Variants in HS6ST2 observed in about 807,000 individuals in gnomAD.
HS6ST2 encodes the protein heparan sulfate 6-O-sulfotransferase 2.
HS6ST2 carries 17 observed loss-of-function variants against 33.0 expected under a neutral mutation model. That is an observed-to-expected ratio of 0.52 (90% CI 0.35 to 0.77). The LOEUF (loss-of-function observed/expected upper bound fraction) is 0.77, where lower values mean the gene tolerates loss of function less well. HS6ST2 is among the 30% of genes least tolerant of loss of function. The pLI is 0.01. For synonymous variants in HS6ST2, 248 were observed against 237.1 expected, an observed-to-expected ratio of 1.05 and a Z score of -0.42; for missense variants, 519 against 551.7, an observed-to-expected ratio of 0.94 and a Z score of 0.59.
chrX:132,643,906 T>G (rs1244730986), intron 4 of HS6ST2, among the ~76,000 whole-genome samples: 3 of 111,848 alleles, frequency 2.7e-5, no homozygotes, highest in South Asian at 3.7e-4. Context: ...TGTGAGGACA[T>G]GTCAATGAGA....
chrX:132,849,907 T>C (rs1335043906), intron 2 of HS6ST2, among the ~76,000 whole-genome samples: 2 of 112,330 alleles, frequency 1.8e-5, no homozygotes, highest in African/African-American at 6.5e-5. Context: ...AGTTGAACCC[T>C]TTTATTTTGC....
At chrX:132,923,285 A>T (rs1380381001) in intron 2 of HS6ST2, among the ~76,000 whole-genome samples, 1 of 111,036 alleles carries the variant, frequency 9.0e-6, no homozygotes, top group African/African-American at 3.3e-5. Flanking sequence ...AATGCCAGAG[A>T]GGTAATCATG....
At chrX:132,730,755 C>T (rs890539664) in intron 2 of HS6ST2, among the ~76,000 whole-genome samples, 4 of 112,257 alleles carry the variant, frequency 3.6e-5, no homozygotes, top group Non-Finnish European at 7.5e-5. Flanking sequence ...ATCCCTGTGC[C>T]ACCAGAATAC....
At chrX:132,832,739 G>A (rs2065602556) in intron 2 of HS6ST2, among the ~76,000 whole-genome samples, 1 of 111,767 alleles carries the variant, frequency 8.9e-6, no homozygotes, top group African/African-American at 3.2e-5. Flanking sequence ...TACACTGTTA[G>A]CCTTCTGGAA....
chrX:132,958,684 G>C, upstream of HS6ST2: 2 of 923,067 alleles, frequency 2.2e-6, no homozygotes, highest in Non-Finnish European at 2.9e-6. Context: ...CTAAGAGCTC[G>C]AGCCACTTCA....
chrX:132,732,101 T>A (rs1056514187), intron 2 of HS6ST2, among the ~76,000 whole-genome samples: 1 of 112,381 alleles, frequency 8.9e-6, no homozygotes, highest in African/African-American at 3.2e-5. Flanking sequence ...ATGTTAAGGT[T>A]ACAAATTGTT....
At chrX:132,782,589 G>A (rs1279418555) in intron 2 of HS6ST2, among the ~76,000 whole-genome samples, 1 of 111,658 alleles carries the variant, frequency 9.0e-6, no homozygotes, top group African/African-American at 3.3e-5. Flanking sequence ...GTGGTTAGGA[G>A]AAATGCTGGA....
upstream of HS6ST2, chrX:132,958,734 G>C: frequency 1.6e-6 from 1 of 606,380 alleles, no homozygotes; most frequent in Non-Finnish European, 2.5e-6. Context: ...TTGGAGTACG[G>C]AGGTCACTCC....
intron 2 of HS6ST2, among the ~76,000 whole-genome samples, chrX:132,924,451 A>G (rs1422239106): frequency 2.7e-5 from 3 of 111,905 alleles, no homozygotes; most frequent in Non-Finnish European, 5.6e-5. Flanking sequence ...ATACATACCA[A>G]TAATCACTGT....
chrX:132,811,873 A>G (rs1324730153), intron 2 of HS6ST2, among the ~76,000 whole-genome samples: 1 of 107,278 alleles, frequency 9.3e-6, no homozygotes. Flanking sequence ...AAAATGTACA[A>G]TTAAATTATT....
intron 2 of HS6ST2, among the ~76,000 whole-genome samples, chrX:132,717,260 G>A (rs180958954): frequency 1.1e-3 from 127 of 112,906 alleles, no homozygotes; most frequent in African/African-American, 3.8e-3. Context: ...CTTTCAGCCA[G>A]CCCCAAATGA....
intron 4 of HS6ST2, among the ~76,000 whole-genome samples, chrX:132,636,857 C>T (rs1240645382): frequency 8.9e-6 from 1 of 112,046 alleles, no homozygotes; most frequent in Non-Finnish European, 1.9e-5. Flanking sequence ...AACTACATAG[C>T]CAGGAACTGG....
At position 132,794,574 on chromosome X, in the gene HS6ST2, G is replaced by GATGATGATTATT. The variant is rs916088563; in HGVS notation, c.948-86081_948-86080insAATAATCATCAT. ...ACTCCTGGATGATGATGATGATGAT[G>GATGATGATTATT]ATTATTATTATTATTATTATTATTA... On this transcript the variant is annotated intron_variant, in intron 2 of 4. Coordinates refer to ENST00000370833, the MANE Select transcript of HS6ST2 (RefSeq NM_001394073.1). Among the ~76,000 whole-genome samples the GATGATGATTATT allele has an allele frequency of 4.0e-3, 399 of 99,059 alleles. 3 individuals carry two copies. Among genetic ancestry groups the GATGATGATTATT allele is most frequent in the African/African-American group, 0.015 (372 of 25,407 alleles). The allele number at this position is 99,059 out of a possible 115,157, so 86.0% of individuals were successfully genotyped here.
intron 2 of HS6ST2, among the ~76,000 whole-genome samples, chrX:132,860,217 T>C (rs957041860): frequency 8.9e-6 from 1 of 112,217 alleles, no homozygotes; most frequent in African/African-American, 3.2e-5. Flanking sequence ...AATGGGCATA[T>C]CTGAGCTTAT....
At chrX:132,902,535 G>A (rs1387554414) in intron 2 of HS6ST2, among the ~76,000 whole-genome samples, 1 of 111,968 alleles carries the variant, frequency 8.9e-6, no homozygotes, top group Non-Finnish European at 1.9e-5. Flanking sequence ...CCTGTGGCCT[G>A]ATAATTTAAG....
intron 2 of HS6ST2, among the ~76,000 whole-genome samples, chrX:132,883,209 G>T (rs1417666904): frequency 9.0e-6 from 1 of 111,398 alleles, no homozygotes; most frequent in Non-Finnish European, 1.9e-5. Context: ...AATGGTACCA[G>T]CTCCTCCTTG....
chrX:132,683,616 G>A (rs2063992050), intron 3 of HS6ST2, among the ~76,000 whole-genome samples: 1 of 111,803 alleles, frequency 8.9e-6, no homozygotes, highest in African/African-American at 3.3e-5. Flanking sequence ...AAATATTAGA[G>A]AAATGCATGC....
chrX:132,636,247 G>A (rs1434973352), intron 4 of HS6ST2, among the ~76,000 whole-genome samples: 1 of 111,489 alleles, frequency 9.0e-6, no homozygotes, highest in South Asian at 3.8e-4. Flanking sequence ...AGGAAAATGC[G>A]TATCTTATTC....
At chrX:132,896,655 A>T (rs972232920) in intron 2 of HS6ST2, among the ~76,000 whole-genome samples, 3 of 111,638 alleles carry the variant, frequency 2.7e-5, no homozygotes, top group Admixed American at 9.6e-5. Context: ...ATTATTACGT[A>T]TTACATGCCT....
Sources: gnomAD v4.1 joint callset for allele counts (sites outside exome capture counted in the v4.1 genomes callset) on GRCh38, gnomAD v4.1.1 for gene constraint, MANE v1.5 for transcripts, NCBI Gene and HGNC (gene_info 2026-07-23, HGNC 2026-07-21) for gene names.